DSP: variants seen among roughly 807,000 people sequenced by gnomAD.
DSP encodes desmoplakin.
In DSP, 114 loss-of-function variants were observed where a neutral mutation model predicts 290.6. The observed-to-expected ratio is 0.39, with a 90% CI of 0.34 to 0.46. The LOEUF (loss-of-function observed/expected upper bound fraction) is 0.46, where lower values mean the gene tolerates loss of function less well. Among genes scored for constraint, DSP ranks in the 20% least tolerant of loss-of-function variants. DSP has a pLI of 0.99. For synonymous variants in DSP, 1,311 were observed against 1,316.4 expected (o/e 1.00, Z 0.09); for missense variants, 3,230 against 3,495.8 (o/e 0.92, Z 1.92).
chr6:7,571,776 T>G (rs1581806155), intron 14 of DSP, 66 bp from the exon 15 acceptor site: 18 of 1,562,732 alleles, frequency 1.2e-5, no homozygotes, highest in Non-Finnish European at 1.6e-5. Flanking sequence ...ATGGATGTTT[T>G]TTGAGGCCTA....
At chr6:7,573,447 G>A (rs974830944) in intron 15 of DSP, among the ~76,000 whole-genome samples, 7 of 152,002 alleles carry the variant, frequency 4.6e-5, no homozygotes, top group Non-Finnish European at 1.0e-4. Flanking sequence ...GTGTGGTGGC[G>A]TGCGCCTGTA....
chr6:7,548,040 G>A (rs976443039), intron 1 of DSP, among the ~76,000 whole-genome samples: 2 of 152,062 alleles, frequency 1.3e-5, no homozygotes, highest in African/African-American at 4.8e-5. Flanking sequence ...AGGCCGAGGT[G>A]GGCGGATCAC....
At chr6:7,544,113 G>GT (rs1758100549) in intron 1 of DSP, among the ~76,000 whole-genome samples, 1 of 152,210 alleles carries the variant, frequency 6.6e-6, no homozygotes, top group Non-Finnish European at 1.5e-5. Context: ...CCCGGCAGCA[G>GT]GGCGTCAAGC....
In DSP at chr6:7,580,177, A is replaced by T. The variant is rs1256541218; in HGVS notation, c.3987A>T (p.Arg1329Ser). Residue 1329 changes from arginine (R) to serine (S), a missense_variant, in exon 23 of 24, where the codon AGA becomes AGT. Arg to Ser is a moderately radical substitution (Grantham distance 110). Transcript: ENST00000379802. This position sits in a 1 kb window ranked among gnomAD's most constrained non-coding sequence, Gnocchi z 4.2. The stretch of plus-strand genomic sequence containing the variant: ...AGGACAAAAATAAGGAGATCGAGAG[A>T]CTCAAAGCTGAGTTTCAGGAGGAGG... ...TIQDKNKEIE[R>S]LKAEFQEEAK... 6.2e-7 allele frequency: 1 copy of T among 1,614,072 alleles called. No homozygotes were observed. The highest frequency in any genetic ancestry group is 8.5e-7 in the Non-Finnish European group (1 of 1,180,002).
At chr6:7,566,902 A>G (rs1221612943) in intron 8 of DSP, among the ~76,000 whole-genome samples, 1 of 152,248 alleles carries the variant, frequency 6.6e-6, no homozygotes, top group Non-Finnish European at 1.5e-5. Context: ...TGGTATGGCC[A>G]TACTGCTTGT....
At position 7,568,519 on chromosome 6, in the gene DSP, C is replaced by T. The variant is rs756357907; in HGVS notation, c.1349C>T (p.Pro450Leu). The T allele has an allele frequency of 9.3e-6, 15 of 1,613,974 alleles. No homozygotes were observed. Among genetic ancestry groups the T allele is most frequent in the East Asian group, 4.5e-5 (2 of 44,884 alleles). The change falls in exon 11 of 24, where the codon CCT (proline) becomes CTT (leucine). Residue 450 changes from proline to leucine, a missense_variant. Transcript: ENST00000379802. ...TCTAAGAAGATTGTACAGCTGAAGC[C>T]TCGTAACCCAGACTACAGAAGCAAT... Reference protein sequence around the residue: ...NKSKKIVQLKPRNPDYRSNKP... With the variant: ...NKSKKIVQLKLRNPDYRSNKP...
chr6:7,574,800 C>T lies in DSP; in HGVS notation c.2436+5C>T. ...GCTTACCGCTGTGGACTGAAGGTAA[C>T]TTGAAAGCTTATAACAGTGGCCCAA... On this transcript the variant is annotated splice_donor_5th_base_variant and intron_variant, in intron 17 of 23. Transcript: ENST00000379802. The T allele has an allele frequency of 6.2e-7, 1 of 1,614,138 alleles. No individual in the cohort carries two copies. The highest frequency in any genetic ancestry group is 8.5e-7 in the Non-Finnish European group (1 of 1,180,030).
chr6:7,583,099 C>T lies in DSP; in HGVS notation c.5837C>T (p.Pro1946Leu). The T allele has an allele frequency of 6.2e-7, 1 of 1,614,074 alleles. No individual in the cohort carries two copies. Among genetic ancestry groups the T allele is most frequent in the Non-Finnish European group, 8.5e-7 (1 of 1,180,026 alleles). Reference protein sequence around the residue: ...QREIDKLRQRPYGSHRETQTE... With the variant: ...QREIDKLRQRLYGSHRETQTE... ...GAGATTGATAAACTCAGACAGCGCC[C>T]ATATGGGTCCCATCGAGAGACCCAG... Residue 1946 changes from proline to leucine, a missense_variant, in exon 24 of 24, where the codon CCA becomes CTA. Around this residue, in one of 5 missense-constraint regions of DSP, gnomAD observed 1,714 missense variants for 1,844.5 expected, o/e 0.93. Coordinates refer to ENST00000379802, the MANE Select transcript of DSP (RefSeq NM_004415.4). The surrounding 1 kb of genome is among the most constrained non-coding windows in gnomAD (Gnocchi z 4.0).
chr6:7,569,731 G>A (rs1758985775), intron 12 of DSP, among the ~76,000 whole-genome samples: 1 of 152,150 alleles, frequency 6.6e-6, no homozygotes, highest in Non-Finnish European at 1.5e-5. Flanking sequence ...CTACTCGGGA[G>A]GTTGAGGCAG....
intron 22 of DSP, among the ~76,000 whole-genome samples, chr6:7,578,940 A>C (rs565654099): frequency 8.5e-5 from 13 of 152,362 alleles, no homozygotes; most frequent in African/African-American, 3.1e-4. Flanking sequence ...TTGAGATTAT[A>C]TGTAAACTTA....
intron 17 of DSP, 107 bp downstream of exon 17, chr6:7,574,902 G>C: frequency 3.3e-5 from 49 of 1,483,890 alleles, no homozygotes; most frequent in Non-Finnish European, 4.5e-5. Context: ...AGGATTATTG[G>C]GTTTCAGTGG....
chr6:7,583,221 G>A lies in DSP; in HGVS notation c.5959G>A (p.Asp1987Asn), dbSNP rs759443302. 17 of 1,614,016 alleles carry A rather than the reference G, an allele frequency of 1.1e-5. No homozygotes were observed. Among genetic ancestry groups the A allele is most frequent in the South Asian group, 4.4e-5 (4 of 91,090 alleles). ...GCAGCTCTATGAGTGTCAGCTGATC[G>A]ACAAAACAACCTTGGACAAACTATT... Reference protein sequence around the residue: ...AMQLYECQLIDKTTLDKLLKG... With the variant: ...AMQLYECQLINKTTLDKLLKG... The change falls in exon 24 of 24, where the codon GAC becomes AAC. Residue 1987 changes from aspartate (D) to asparagine (N), a missense_variant. This residue lies in a region of DSP where 1,714 missense variants were observed against 1,844.5 expected (regional missense o/e 0.93). Transcript: ENST00000379802. This position sits in a 1 kb window ranked among gnomAD's most constrained non-coding sequence, Gnocchi z 4.0.
At position 7,579,790 on chromosome 6, in the gene DSP, T is replaced by G. The variant is rs202049575; in HGVS notation, c.3600T>G (p.Asn1200Lys). ...TGGCAAAGGTAAGAAACCACTATAA[T>G]GAGGAGATGAGTAATTTAAGGAACA... is the stretch of plus-strand genomic sequence containing the variant. ...NELAKVRNHY[N>K]EEMSNLRNKY... Residue 1200 changes from asparagine to lysine, a missense_variant, in exon 23 of 24, where the codon AAT becomes AAG. Asn to Lys is a moderately conservative substitution (Grantham distance 94). Transcript: ENST00000379802. This position sits in a 1 kb window ranked among gnomAD's most constrained non-coding sequence, Gnocchi z 4.1. The G allele has an allele frequency of 4.0e-5, 64 of 1,613,702 alleles. No homozygotes were observed. Among genetic ancestry groups the G allele is most frequent in the Non-Finnish European group, 3.6e-5 (42 of 1,179,962 alleles).
intron 22 of DSP, 26 bp downstream of exon 22, chr6:7,578,588 G>A: frequency 6.4e-7 from 1 of 1,560,796 alleles, no homozygotes; most frequent in East Asian, 2.2e-5. Context: ...TTTTCTTGTA[G>A]CGTCAAAAAA....
At chr6:7,558,085 T>A in intron 2 of DSP, 31 bp from the exon 3 acceptor site, 1 of 1,613,870 alleles carries the variant, frequency 6.2e-7, no homozygotes, top group African/African-American at 1.3e-5. Context: ...TGGTAGTATG[T>A]GTTTTCCTTC....
At position 7,569,349 on chromosome 6, in the gene DSP, T is replaced by C. The variant is rs1443611464; in HGVS notation, c.1574+9T>C. 1 of 1,614,116 alleles carries C rather than the reference T, an allele frequency of 6.2e-7. No homozygotes were observed. The highest frequency in any genetic ancestry group is 8.5e-7 in the Non-Finnish European group (1 of 1,180,020). The stretch of plus-strand genomic sequence containing the variant: ...GTGGACCTCTCTTGCAAGTAAGTCA[T>C]CCAAGTTCCCAAAGCCACGCATGCA... On this transcript the variant is annotated intron_variant, in intron 12 of 23. Transcript: ENST00000379802.
At position 7,576,391 on chromosome 6, in the gene DSP, G is replaced by A. The variant is rs775080138; in HGVS notation, c.2728G>A (p.Asp910Asn). 5 of 1,614,010 alleles carry A rather than the reference G, an allele frequency of 3.1e-6. No homozygotes were observed. The highest frequency in any genetic ancestry group is 4.5e-5 in the East Asian group (2 of 44,886). Reference protein sequence around the residue: ...KWLYDAKRRQDSLESMKFGDS... With the variant: ...KWLYDAKRRQNSLESMKFGDS... ...GCTCTATGATGCTAAACGCCGCCAG[G>A]ATTCCTTAGAATCCATGAAATTTGG... Residue 910 changes from aspartate to asparagine, a missense_variant, in exon 19 of 24, where the codon GAT becomes AAT. Asp to Asn is a conservative substitution (Grantham distance 23, BLOSUM62 1). Transcript: ENST00000379802.
Position 7,576,354 on chromosome 6 carries a change from T to C in DSP, c.2691T>C (p.Ala897=), listed in dbSNP as rs1179726063. The C allele has an allele frequency of 3.1e-6, 5 of 1,614,180 alleles. No individual in the cohort carries two copies. In the South Asian group the frequency reaches 4.4e-5, roughly 14 times the overall value. Residue 897 remains alanine, a synonymous_variant, in exon 19 of 24, where the codon GCT becomes GCC. Transcript: ENST00000379802. ...GGAATTATCGTGATAACTATCAGGC[T>C]TTCTGCAAGTGGCTCTATGATGCTA... is the stretch of plus-strand genomic sequence containing the variant. The part of the protein sequence containing the change: ...QLRNYRDNYQ[A]FCKWLYDAKR...
In DSP at chr6:7,571,984, C is replaced by A; in HGVS notation, c.2046C>A (p.Cys682Ter). The change falls in exon 15 of 24, where the codon TGC becomes TGA. Residue 682 changes from cysteine to a stop codon, truncating the protein, a stop_gained. Transcript: ENST00000379802. LOFTEE classifies it high-confidence loss of function. ...LQKIRRQIEHCEGRMTLKNLP... is the reference protein window; with the variant it reads ...LQKIRRQIEH ...AGATTCGCAGGCAGATAGAGCACTG[C>A]GAGGGCAGGATGACTCTCAAAAACC... The A allele has an allele frequency of 6.2e-7, 1 of 1,614,098 alleles. No homozygotes were observed. The highest frequency in any genetic ancestry group is 8.5e-7 in the Non-Finnish European group (1 of 1,180,028).
Sources: allele counts gnomAD v4.1 joint callset (sites outside exome capture counted in the v4.1 genomes callset), GRCh38; gene constraint gnomAD v4.1.1; regional missense constraint gnomAD v4.1.1; non-coding constraint Gnocchi (gnomAD v3.1); transcripts MANE v1.5; gene names NCBI Gene and HGNC (gene_info 2026-07-23, HGNC 2026-07-21).